Variants in DOCK10 observed in about 807,000 individuals in gnomAD.
The protein encoded by DOCK10 is dedicator of cytokinesis 10, also known as dedicator of cytokinesis protein 10.
A neutral mutation model predicts 280.1 loss-of-function variants in DOCK10; 145 were observed. The ratio of observed to expected loss-of-function variants is 0.52; its 90% CI spans 0.45 to 0.59. The LOEUF (loss-of-function observed/expected upper bound fraction) is 0.59. Ranked by LOEUF, DOCK10 falls within the 20% of genes least tolerant of loss-of-function variation. DOCK10 has a pLI of 0.00. For synonymous variants in DOCK10, 915 were observed against 942.2 expected, an observed-to-expected ratio of 0.97 and a Z score of 0.53; for missense variants, 2,368 against 2,651.7, an observed-to-expected ratio of 0.89 and a Z score of 2.35.
intron 1 of DOCK10, among the ~76,000 whole-genome samples, chr2:225,023,513 C>A (rs575935527): frequency 1.3e-5 from 2 of 152,158 alleles, no homozygotes; most frequent in African/African-American, 4.8e-5. Context: ...TGATTTAATA[C>A]CAATAATACC....
At chr2:224,840,170 G>C in intron 23 of DOCK10, 98 bp from the exon 24 acceptor site, 1 of 598,854 alleles carries the variant, frequency 1.7e-6, no homozygotes, top group South Asian at 2.5e-5. Context: ...GAAAACATAA[G>C]GAGAAAAACT....
intron 1 of DOCK10, among the ~76,000 whole-genome samples, chr2:225,007,834 A>G (rs1264135994): frequency 6.6e-6 from 1 of 152,240 alleles, no homozygotes; most frequent in African/African-American, 2.4e-5. Flanking sequence ...ATAAGACTAC[A>G]ACAGGCTTGA....
Position 225,035,582 on chromosome 2 carries a change from AT to A in DOCK10, c.123+6669del, listed in dbSNP as rs1559987011. On this transcript the variant is annotated intron_variant, in intron 1 of 55. Transcript: ENST00000258390. The stretch of plus-strand genomic sequence containing the variant: ...TATATATATATATATATATATATAT[AT>A]ATATAACACTGAATCAGTGTTAATT... 2.7e-3 allele frequency among the ~76,000 whole-genome samples: 301 copies of A among 112,426 alleles called. 5 individuals are homozygous for A. The highest frequency in any genetic ancestry group is 7.4e-3 in the African/African-American group (176 of 23,768). The allele number at this position is 112,426 out of a possible 152,430, so 73.8% of individuals were successfully genotyped here.
At chr2:225,015,208 A>G (rs1489987204) in intron 1 of DOCK10, among the ~76,000 whole-genome samples, 3 of 152,224 alleles carry the variant, frequency 2.0e-5, no homozygotes, top group Non-Finnish European at 2.9e-5. Flanking sequence ...ACATGAAAGT[A>G]TAAACATAAA....
At chr2:224,888,714 GTGTA>G (rs1221767755) in intron 4 of DOCK10, among the ~76,000 whole-genome samples, 4 of 151,416 alleles carry the variant, frequency 2.6e-5, no homozygotes, top group South Asian at 4.2e-4. Flanking sequence ...GTGTGAATAT[GTGTA>G]TGTATGTGTG....
chr2:224,855,064 GACACACACACACACACACAC>G, intron 15 of DOCK10, 22 bp from the exon 16 acceptor site: 10 of 574,246 alleles, frequency 1.7e-5, no homozygotes, highest in Non-Finnish European at 3.0e-5. Context: ...CATGAGCAAG[GACACACACACACACACACAC>G]ACACACACAC....
intron 28 of DOCK10, 148 bp from the exon 29 acceptor site, chr2:224,819,677 T>A: frequency 1.9e-6 from 1 of 522,126 alleles, no homozygotes; most frequent in Non-Finnish European, 3.3e-6. Flanking sequence ...CTAAAGATGT[T>A]TAAGCAGTCA....
At chr2:224,961,538 C>A (rs190856199) in intron 1 of DOCK10, among the ~76,000 whole-genome samples, 1 of 147,368 alleles carries the variant, frequency 6.8e-6, no homozygotes. Flanking sequence ...GACGGAGCCT[C>A]GCTCTGTTGC....
At position 224,770,606 on chromosome 2, in the gene DOCK10, C is replaced by A. The variant is rs752661665; in HGVS notation, c.6244G>T (p.Glu2082Ter). ...GGGTACTTCTTTGCATTGGTTTCTT[C>A]AAGAAAAGCTCGTGCATAGGCCATT... ...GPMAYARAFL[E>*]ETNAKKYPDN... Residue 2082 changes from glutamate (E) to a stop codon, truncating the protein, a stop_gained, in exon 54 of 56, where the codon GAA becomes TAA. Transcript: ENST00000258390. LOFTEE classifies it high-confidence loss of function. This position sits in a 1 kb window ranked among gnomAD's most constrained non-coding sequence, Gnocchi z 4.5. 5.6e-6 allele frequency: 9 copies of A among 1,613,980 alleles called. No homozygotes were observed. The highest frequency in any genetic ancestry group is 6.8e-6 in the Non-Finnish European group (8 of 1,179,860).
intron 31 of DOCK10, among the ~76,000 whole-genome samples, chr2:224,808,296 C>A (rs1028720011): frequency 6.6e-6 from 1 of 152,086 alleles, no homozygotes; most frequent in Non-Finnish European, 1.5e-5. Flanking sequence ...AATACAGGTA[C>A]AAACTAACAC....
rs141163985 is a variant in DOCK10 at position 224,875,642 on chromosome 2, G to A, written c.931+396C>T. 6.8e-4 allele frequency among the ~76,000 whole-genome samples: 103 copies of A among 152,270 alleles called. 1 individual carries two copies. The highest frequency in any genetic ancestry group is 2.4e-3 in the African/African-American group (100 of 41,554). On this transcript the variant is annotated intron_variant, in intron 8 of 55. Transcript: ENST00000258390. ...TGATCAAAAAGCAGAAATGAAAGATGCTTTTTCACTAAAAGGAAGGAATTC... is the reference window on the plus strand; with the variant it reads ...TGATCAAAAAGCAGAAATGAAAGATACTTTTTCACTAAAAGGAAGGAATTC...
intron 26 of DOCK10, 133 bp from the exon 27 acceptor site, chr2:224,830,745 A>G (rs929039727): frequency 3.1e-5 from 14 of 448,268 alleles, no homozygotes; most frequent in African/African-American, 2.6e-4. Flanking sequence ...GAATTAGAGC[A>G]GTAAAATATT....
Position 224,775,005 on chromosome 2 carries a change from G to C in DOCK10, c.5913C>G (p.His1971Gln), listed in dbSNP as rs757608796. The C allele has an allele frequency of 3.7e-6, 6 of 1,613,814 alleles. No individual in the cohort carries two copies. Among genetic ancestry groups the C allele is most frequent in the Non-Finnish European group, 5.1e-6 (6 of 1,179,808 alleles). The change falls in exon 52 of 56, where the codon CAC (histidine) becomes CAG (glutamine). Residue 1971 changes from histidine to glutamine, a missense_variant. His to Gln is a conservative substitution (Grantham distance 24). This residue lies in a region of DOCK10 where 1,159 missense variants were observed against 1,400.8 expected (regional missense o/e 0.83). Transcript: ENST00000258390. Reference protein sequence around the residue: ...IEDRKTDFEMHHNINRFVFET... With the variant: ...IEDRKTDFEMQHNINRFVFET... ...CGAAGACAAAGCGGTTGATGTTGTG[G>C]TGCATTTCGAAATCTGTCTTCCGGT...
chr2:224,884,070 C>G, intron 7 of DOCK10, among the ~76,000 whole-genome samples: 1 of 152,156 alleles, frequency 6.6e-6, no homozygotes, highest in Admixed American at 6.5e-5. Context: ...TAGAAAATAG[C>G]CTCCACCCTC....
intron 38 of DOCK10, 93 bp from the exon 39 acceptor site, chr2:224,804,306 GA>G: frequency 1.5e-6 from 1 of 681,960 alleles, no homozygotes; most frequent in Admixed American, 2.9e-5. Context: ...ACTGCACAAT[GA>G]AATATTTCAC....
At chr2:224,896,576 G>A (rs960970314) in intron 3 of DOCK10, among the ~76,000 whole-genome samples, 199 bp from the exon 4 acceptor site, 68 of 152,130 alleles carry the variant, frequency 4.5e-4, no homozygotes, top group African/African-American at 1.6e-3. Flanking sequence ...AATTAGCCGG[G>A]CCTGGTGGCG....
At chr2:225,038,431 G>T (rs1027685327) in intron 1 of DOCK10, among the ~76,000 whole-genome samples, 2 of 152,106 alleles carry the variant, frequency 1.3e-5, no homozygotes, top group African/African-American at 4.8e-5. Context: ...CAAAGGTTCC[G>T]CTTCTTACTC....
intron 25 of DOCK10, 81 bp downstream of exon 25, chr2:224,837,681 T>G: frequency 8.1e-7 from 1 of 1,241,720 alleles, no homozygotes; most frequent in Non-Finnish European, 1.2e-6. Context: ...GGGAGAAAAC[T>G]TCCCACTTAC....
chr2:224,992,679 G>A (rs1706161522), intron 1 of DOCK10, among the ~76,000 whole-genome samples: 1 of 152,228 alleles, frequency 6.6e-6, no homozygotes, highest in African/African-American at 2.4e-5. Context: ...GTTCCCAAGA[G>A]GACATGTGCA....
Sources: gnomAD v4.1 joint callset for allele counts (sites outside exome capture counted in the v4.1 genomes callset) on GRCh38, gnomAD v4.1.1 for gene constraint, gnomAD v4.1.1 regional missense constraint, Gnocchi (gnomAD v3.1) non-coding constraint, MANE v1.5 for transcripts, NCBI Gene and HGNC (gene_info 2026-07-23, HGNC 2026-07-21) for gene names.